NBAS: variants seen among roughly 807,000 people sequenced by gnomAD.
NBAS encodes the protein NBAS subunit of NRZ tethering complex.
A neutral mutation model predicts 302.5 loss-of-function variants in NBAS; 219 were observed. The observed-to-expected ratio is 0.72, with a 90% CI of 0.65 to 0.81. The LOEUF is 0.81. Ranked by LOEUF, NBAS falls within the 30% of genes least tolerant of loss-of-function variation. The pLI is 0.00. For missense variants in NBAS, 2,932 were observed against 2,841.6 expected (o/e 1.03, Z -0.72); for synonymous variants, 1,118 against 1,021.6 (o/e 1.09, Z -1.80).
intron 6 of NBAS, among the ~76,000 whole-genome samples, chr2:15,549,359 G>A (rs1037523254): frequency 6.6e-6 from 1 of 152,142 alleles, no homozygotes; most frequent in Non-Finnish European, 1.5e-5. Context: ...GCAGACTGTT[G>A]TAAGAAACCA....
chr2:15,379,721 A>T lies in NBAS; in HGVS notation c.3471T>A (p.His1157Gln). 6.2e-7 allele frequency: 1 copy of T among 1,614,026 alleles called. No homozygotes were observed. The highest frequency in any genetic ancestry group is 8.5e-7 in the Non-Finnish European group (1 of 1,179,980). The change falls in exon 30 of 52, where the codon CAT (histidine) becomes CAA (glutamine). Residue 1157 changes from histidine (H) to glutamine (Q), a missense_variant. Physicochemically the swap from His to Gln is conservative, Grantham distance 24. Transcript: ENST00000281513. Reference sequence around the variant, plus strand: ...TGACCCTGTAGTGGGGTTTCCCTTTATGGGCTATACCAGCTGGAGGATTTT... The same window carrying T: ...TGACCCTGTAGTGGGGTTTCCCTTTTTGGGCTATACCAGCTGGAGGATTTT... ...CSENPPAGIA[H>Q]KGKPHYRVSY...
chr2:15,496,967 G>GA (rs1334185766), intron 11 of NBAS, among the ~76,000 whole-genome samples: 1 of 152,050 alleles, frequency 6.6e-6, no homozygotes, highest in Non-Finnish European at 1.5e-5. Flanking sequence ...CTGAGGATAT[G>GA]AAAAATAGAG....
the NBAS span, among the ~76,000 whole-genome samples, chr2:14,955,521 T>C: frequency 2.6e-5 from 4 of 152,366 alleles, no homozygotes; most frequent in South Asian, 8.3e-4. Flanking sequence ...GCAGAGGTTC[T>C]CCATGAGGTC....
intron 21 of NBAS, among the ~76,000 whole-genome samples, chr2:15,435,557 C>A (rs1677969422): frequency 6.6e-6 from 1 of 152,184 alleles, no homozygotes; most frequent in Non-Finnish European, 1.5e-5. Flanking sequence ...CAGTAAGCAA[C>A]TTGTCCAGGG....
At chr2:15,374,836 T>G in intron 30 of NBAS, 116 bp from the exon 31 acceptor site, 12 of 841,628 alleles carry the variant, frequency 1.4e-5, no homozygotes, top group Non-Finnish European at 2.0e-5. Context: ...CAGGAATTCA[T>G]TCCGCTGGAT....
chr2:15,309,280 A>C (rs772145997), intron 38 of NBAS, 33 bp from the exon 39 acceptor site: 10 of 1,549,040 alleles, frequency 6.5e-6, no homozygotes, highest in Middle Eastern at 1.7e-4. Context: ...TATTTTACTG[A>C]GGTTGCATAT....
intron 6 of NBAS, among the ~76,000 whole-genome samples, chr2:15,547,081 G>A (rs1029553697): frequency 2.0e-5 from 3 of 152,144 alleles, no homozygotes; most frequent in Non-Finnish European, 4.4e-5. Flanking sequence ...CATTATTCAG[G>A]TAGAAAGAGA....
chr2:14,910,537 A>G, the NBAS span, among the ~76,000 whole-genome samples: 8,083 of 152,266 alleles, frequency 0.053, 711 homozygotes, highest in African/African-American at 0.18. Context: ...ACTCTGAGCT[A>G]AGGAGACAAG....
chr2:15,178,220 AC>A (rs1477812317), intron 51 of NBAS: 73 of 462,770 alleles, frequency 1.6e-4, no homozygotes, highest in Non-Finnish European at 2.9e-4. Flanking sequence ...ATGTATATAT[AC>A]AATGTAAAAT....
the NBAS span, among the ~76,000 whole-genome samples, chr2:14,974,004 A>C: frequency 1.3e-5 from 2 of 152,208 alleles, no homozygotes; most frequent in Non-Finnish European, 2.9e-5. Flanking sequence ...ATCTAAAGCC[A>C]ACTCTCGCCA....
rs149632545 is a variant in NBAS at position 15,238,559 on chromosome 2, T to C, written c.5852A>G (p.Tyr1951Cys). 21 of 1,614,076 alleles carry C rather than the reference T, an allele frequency of 1.3e-5. No homozygotes were observed. In the African/African-American group the frequency reaches 2.4e-4, roughly 18 times the overall value. The change falls in exon 45 of 52, where the codon TAT becomes TGT. Residue 1951 changes from tyrosine to cysteine, a missense_variant. Coordinates refer to ENST00000281513, the MANE Select transcript of NBAS (RefSeq NM_015909.4). ...AQEAKDSKVTYADTLNHLEKS... is the reference protein window; with the variant it reads ...AQEAKDSKVTCADTLNHLEKS... ...CTCCAGATGATTCAAAGTATCTGCATAGGTAACTTTAGAATCCTTAGCTTC... is the reference window on the plus strand; with the variant it reads ...CTCCAGATGATTCAAAGTATCTGCACAGGTAACTTTAGAATCCTTAGCTTC...
At chr2:15,174,880 A>T (rs1403226461) in intron 51 of NBAS, among the ~76,000 whole-genome samples, 2 of 152,360 alleles carry the variant, frequency 1.3e-5, no homozygotes, top group Admixed American at 1.3e-4. Flanking sequence ...CTATTATAGT[A>T]CTTGGCAAAG....
rs953685470 is a variant in NBAS at position 15,488,757 on chromosome 2, A to T, written c.1083+137T>A. 5.2e-6 allele frequency: 6 copies of T among 1,155,838 alleles called. No individual in the cohort carries two copies. The Admixed American group carries it at 9.7e-5, about 19-fold the overall frequency. 71.6% of individuals were successfully genotyped at this position (1,155,838 alleles called of 1,614,324 possible). A position where few individuals can be genotyped will look rare whatever the true frequency, so the allele number is the denominator to read the frequency against. On this transcript the variant is annotated intron_variant, in intron 12 of 51. Transcript: ENST00000281513. Reference sequence around the variant, plus strand: ...TAATTTATCCCACTGTACTGATATCATAATTTAAAGGATAGAAGAGCTTTG... The same window carrying T: ...TAATTTATCCCACTGTACTGATATCTTAATTTAAAGGATAGAAGAGCTTTG...
intron 44 of NBAS, among the ~76,000 whole-genome samples, chr2:15,238,922 T>A (rs780991339): frequency 3.9e-5 from 6 of 152,122 alleles, no homozygotes; most frequent in Admixed American, 3.9e-4. Context: ...GCAGGTAAAG[T>A]GATGAAACTA....
At position 15,366,633 on chromosome 2, in the gene NBAS, C is replaced by G; in HGVS notation, c.3764G>C (p.Cys1255Ser). The G allele has an allele frequency of 6.2e-7, 1 of 1,614,084 alleles. No homozygotes were observed. The highest frequency in any genetic ancestry group is 8.5e-7 in the Non-Finnish European group (1 of 1,179,996). The change falls in exon 32 of 52, where the codon TGC becomes TCC. Residue 1255 changes from cysteine (C) to serine (S), a missense_variant. Transcript: ENST00000281513. ...CAGAAGCTTGGTGGATTGTTTATAG[C>G]ATGTGGGGGACTGGGAAATACACTC... Reference protein sequence around the residue: ...IKECISQSPTCYKQSTKLLGL... With the variant: ...IKECISQSPTSYKQSTKLLGL...
At chr2:15,056,319 T>A in the NBAS span, among the ~76,000 whole-genome samples, 3 of 152,206 alleles carry the variant, frequency 2.0e-5, no homozygotes, top group Non-Finnish European at 4.4e-5. Context: ...CGGAAGACTG[T>A]CCTTCTCTAC....
At chr2:15,209,851 G>A (rs1572453924) in intron 48 of NBAS, among the ~76,000 whole-genome samples, 1 of 152,050 alleles carries the variant, frequency 6.6e-6, no homozygotes, top group Admixed American at 6.6e-5. Flanking sequence ...TTTGACAAAG[G>A]TGCCAAGAAC....
At chr2:14,938,688 C>G in the NBAS span, among the ~76,000 whole-genome samples, 1 of 152,108 alleles carries the variant, frequency 6.6e-6, no homozygotes, top group African/African-American at 2.4e-5. Context: ...AGCAATTGTA[C>G]CCATATAACC....
intron 11 of NBAS, among the ~76,000 whole-genome samples, chr2:15,498,189 C>A (rs1211755192): frequency 3.9e-5 from 6 of 152,092 alleles, no homozygotes; most frequent in Non-Finnish European, 8.8e-5. Flanking sequence ...TCTGGAGGGC[C>A]CATAAAAGAA....
Sources: gnomAD v4.1 joint callset for allele counts (sites outside exome capture counted in the v4.1 genomes callset) on GRCh38, gnomAD v4.1.1 for gene constraint, MANE v1.5 for transcripts, NCBI Gene and HGNC (gene_info 2026-07-23, HGNC 2026-07-21) for gene names.